DPH6: variants seen among roughly 807,000 people sequenced by gnomAD.
DPH6 encodes diphthamine biosynthesis 6, also known as diphthine--ammonia ligase.
A neutral mutation model predicts 38.2 loss-of-function variants in DPH6; 33 were observed. The observed-to-expected ratio is 0.86, with a 90% CI of 0.65 to 1.15. The LOEUF is 1.15. Among genes scored for constraint, DPH6 ranks in the 50% most tolerant of loss-of-function variants. The pLI is 0.00. For synonymous variants in DPH6, 108 were observed against 103.0 expected, an observed-to-expected ratio of 1.05 and a Z score of -0.30; for missense variants, 325 against 320.0, an observed-to-expected ratio of 1.02 and a Z score of -0.12.
chr15:35,164,472 TA>T, the DPH6 span, among the ~76,000 whole-genome samples: 31 of 148,372 alleles, frequency 2.1e-4, no homozygotes, highest in Non-Finnish European at 2.5e-4. Flanking sequence ...GCTGCTTTCT[TA>T]AAAAAAAAAC....
intron 3 of DPH6, among the ~76,000 whole-genome samples, chr15:35,457,446 G>A (rs1007980660): frequency 6.6e-6 from 1 of 151,700 alleles, no homozygotes; most frequent in Non-Finnish European, 1.5e-5. Context: ...GGCATGTGTT[G>A]TGTCAGGAAG....
chr15:35,434,460 GAATAA>G (rs1466824271), intron 5 of DPH6, among the ~76,000 whole-genome samples: 2 of 151,950 alleles, frequency 1.3e-5, no homozygotes, highest in Admixed American at 6.6e-5. Context: ...GACATAAAAT[GAATAA>G]AATAAGTAGA....
the DPH6 span, among the ~76,000 whole-genome samples, chr15:35,206,429 TAA>T: frequency 2.0e-5 from 3 of 152,162 alleles, no homozygotes; most frequent in Non-Finnish European, 4.4e-5. Context: ...GAGGCAAATG[TAA>T]AGAGACCTAA....
intron 1 of DPH6, 67 bp from the exon 2 acceptor site, chr15:35,542,574 G>C: frequency 7.3e-7 from 1 of 1,377,972 alleles, no homozygotes. Flanking sequence ...AAAATCACTA[G>C]ATATCAAAAC....
chr15:35,377,223 G>T (rs1451399366), intron 7 of DPH6, among the ~76,000 whole-genome samples: 1 of 152,118 alleles, frequency 6.6e-6, no homozygotes, highest in Non-Finnish European at 1.5e-5. Flanking sequence ...TGAGTGGGCA[G>T]AAAATATGAG....
chr15:35,246,765 AGAC>A (rs1021631958), intron 3 of DPH6, among the ~76,000 whole-genome samples: 32 of 152,320 alleles, frequency 2.1e-4, no homozygotes, highest in Middle Eastern at 3.4e-3. Flanking sequence ...GGCATGGCTC[AGAC>A]GTGGGAAGCT....
chr15:35,362,456 G>A (rs1323983646), intron 3 of DPH6, among the ~76,000 whole-genome samples: 1 of 152,222 alleles, frequency 6.6e-6, no homozygotes, highest in Admixed American at 6.5e-5. Context: ...CCTCCTGTGG[G>A]AGAAACTGAG....
chr15:35,372,350 G>A (rs1220068084), intron 8 of DPH6, 147 bp from the exon 9 acceptor site: 2 of 623,280 alleles, frequency 3.2e-6, no homozygotes, highest in Non-Finnish European at 4.8e-6. Context: ...CTTCTTTGAG[G>A]TGTCATACTG....
chr15:35,286,450 G>T (rs1257322822), intron 3 of DPH6, among the ~76,000 whole-genome samples: 1 of 152,156 alleles, frequency 6.6e-6, no homozygotes, highest in Non-Finnish European at 1.5e-5. Context: ...ATCCCTATGG[G>T]AAATAAACTC....
chr15:35,458,452 C>T (rs186716264), intron 3 of DPH6, among the ~76,000 whole-genome samples: 2 of 148,060 alleles, frequency 1.4e-5, no homozygotes, highest in East Asian at 3.9e-4. Flanking sequence ...ATTTTGAACG[C>T]AACTACAAAT....
rs2051653304 is a variant in DPH6, at chr15:35,248,823, T to C, written n.201-28241A>G. Among the ~76,000 whole-genome samples, 3 of 152,312 alleles carry C rather than the reference T, an allele frequency of 2.0e-5. No individual in the cohort carries two copies. The South Asian group carries it at 6.2e-4, about 32-fold the overall frequency. On this transcript the variant is annotated intron_variant and non_coding_transcript_variant, in intron 3 of 3. Coordinates refer to the DPH6 transcript ENST00000560386. The stretch of plus-strand genomic sequence containing the variant: ...AATGGTAAGAGTTTTATAAAATAAA[T>C]AATATATGCCAATGAGATTAGAATT...
chr15:35,160,749 C>T, the DPH6 span, among the ~76,000 whole-genome samples: 1 of 151,744 alleles, frequency 6.6e-6, no homozygotes, highest in Non-Finnish European at 1.5e-5. Flanking sequence ...GATCAGAGGC[C>T]AGTTCTTAGT....
chr15:35,436,228 A>G (rs1389304916), intron 5 of DPH6, among the ~76,000 whole-genome samples: 1 of 151,934 alleles, frequency 6.6e-6, no homozygotes, highest in Non-Finnish European at 1.5e-5. Context: ...GCACTTTGGG[A>G]GGCCAAGGCA....
At chr15:35,219,085 C>T (rs1328319516) in exon 4 of DPH6, 1 of 152,084 alleles carries the variant, frequency 6.6e-6, no homozygotes, top group Non-Finnish European at 1.5e-5. Flanking sequence ...CTTTACATTA[C>T]AAGAGCAACT....
At chr15:35,533,549 A>G (rs914838181) in intron 3 of DPH6, among the ~76,000 whole-genome samples, 2 of 152,130 alleles carry the variant, frequency 1.3e-5, no homozygotes, top group Non-Finnish European at 2.9e-5. Flanking sequence ...AAAACAAAAC[A>G]AAACAAAAAA....
At chr15:35,470,629 G>A (rs1302573404) in intron 3 of DPH6, among the ~76,000 whole-genome samples, 2 of 152,122 alleles carry the variant, frequency 1.3e-5, no homozygotes, top group Admixed American at 6.6e-5. Flanking sequence ...TTCACAAAAC[G>A]CGTTGGCAGC....
chr15:35,384,037 A>AT (rs1433151737), intron 6 of DPH6, among the ~76,000 whole-genome samples: 1 of 152,168 alleles, frequency 6.6e-6, no homozygotes, highest in African/African-American at 2.4e-5. Flanking sequence ...CAACCTTTCT[A>AT]TTTACCTTTC....
chr15:35,159,599 T>C, the DPH6 span, among the ~76,000 whole-genome samples: 1 of 152,020 alleles, frequency 6.6e-6, no homozygotes, highest in Non-Finnish European at 1.5e-5. Flanking sequence ...GAAACACGTA[T>C]ACACTGTTGC....
chr15:35,145,239 T>G, the DPH6 span, among the ~76,000 whole-genome samples: 1 of 152,214 alleles, frequency 6.6e-6, no homozygotes, highest in Non-Finnish European at 1.5e-5. Flanking sequence ...TTCTTTCTAG[T>G]CTTTTGTGTG....
Sources: gnomAD v4.1 joint callset for allele counts (sites outside exome capture counted in the v4.1 genomes callset) on GRCh38, gnomAD v4.1.1 for gene constraint, MANE v1.5 for transcripts, NCBI Gene and HGNC (gene_info 2026-07-23, HGNC 2026-07-21) for gene names.